The following TNFSF11 variants were observed in gnomAD, a reference collection of about 807,000 sequenced individuals.
TNFSF11 encodes tumor necrosis factor ligand superfamily member 11.
Under a neutral mutation model 32.2 loss-of-function variants are expected in TNFSF11, and 12 were observed. The observed-to-expected ratio is 0.37, with a 90% CI of 0.24 to 0.60. TNFSF11 has a LOEUF of 0.60. Among genes scored for constraint, TNFSF11 ranks in the 20% least tolerant of loss-of-function variants. TNFSF11 has a pLI of 0.66. For synonymous variants in TNFSF11, 172 were observed against 152.1 expected, an observed-to-expected ratio of 1.13 and a Z score of -0.96; for missense variants, 345 against 398.0, an observed-to-expected ratio of 0.87 and a Z score of 1.13.
intron 4 of TNFSF11, among the ~76,000 whole-genome samples, chr13:42,601,816 C>T (rs1028990684): frequency 5.3e-5 from 8 of 152,202 alleles, no homozygotes. Context: ...TTTTCCCCTT[C>T]CTCAATACCT....
chr13:42,566,117 TG>T (rs1244337369), intron 1 of TNFSF11, among the ~76,000 whole-genome samples: 1 of 152,206 alleles, frequency 6.6e-6, no homozygotes, highest in African/African-American at 2.4e-5. Context: ...TTAGTAGATT[TG>T]GGGAAGTCTG....
chr13:42,592,131 G>T (rs938554270), intron 2 of TNFSF11, among the ~76,000 whole-genome samples: 3 of 152,200 alleles, frequency 2.0e-5, no homozygotes, highest in African/African-American at 7.2e-5. Flanking sequence ...ACACAAAGCA[G>T]TTCTCCAACT....
Position 42,606,941 on chromosome 13 carries a change from G to A in TNFSF11, c.*23G>A. On this transcript the variant is annotated 3_prime_UTR_variant, in exon 5 of 5. Coordinates refer to ENST00000398795, the MANE Select transcript of TNFSF11 (RefSeq NM_003701.4). ...TGAGCCCCAGTTTTTGGAGTGTTATGTATTTCCTGGATGTTTGGAAACATT... is the reference window on the plus strand; with the variant it reads ...TGAGCCCCAGTTTTTGGAGTGTTATATATTTCCTGGATGTTTGGAAACATT... 6.2e-7 allele frequency: 1 copy of A among 1,613,820 alleles called. No homozygotes were observed. Among genetic ancestry groups the A allele is most frequent in the Non-Finnish European group, 8.5e-7 (1 of 1,179,906 alleles).
chr13:42,585,386 C>T (rs1028883340), intron 2 of TNFSF11, among the ~76,000 whole-genome samples: 1 of 152,070 alleles, frequency 6.6e-6, no homozygotes, highest in Non-Finnish European at 1.5e-5. Context: ...TATATGTGTG[C>T]GAAAAGTGGT....
chr13:42,589,271 C>A (rs560246899), intron 2 of TNFSF11, among the ~76,000 whole-genome samples: 2 of 152,108 alleles, frequency 1.3e-5, no homozygotes. Context: ...CACCTCTCCC[C>A]CATCCTGTGA....
At chr13:42,581,036 A>G (rs1336270958) in intron 1 of TNFSF11, 90 bp from the exon 2 acceptor site, 18 of 1,391,460 alleles carry the variant, frequency 1.3e-5, no homozygotes, top group African/African-American at 1.0e-4. Flanking sequence ...TCTTGCGAGT[A>G]TGAATTTTTT....
chr13:42,588,118 G>A (rs1294405673), intron 2 of TNFSF11, among the ~76,000 whole-genome samples: 1 of 152,182 alleles, frequency 6.6e-6, no homozygotes, highest in East Asian at 1.9e-4. Context: ...ATCTCTGTTT[G>A]CCATAATAGT....
Position 42,574,212 on chromosome 13 carries a change from A to G in TNFSF11, c.-92A>G. On this transcript the variant is annotated 5_prime_UTR_variant, in exon 1 of 5. Transcript: ENST00000398795. ...GGCTCCAAGTCGGCGCCCCACGTCG[A>G]GGCTCCGCCGCAGCCTCCGGAGTTG... The G allele has an allele frequency of 6.7e-7, 1 of 1,502,772 alleles. No homozygotes were observed. Among genetic ancestry groups the G allele is most frequent in the Non-Finnish European group, 9.0e-7 (1 of 1,110,756 alleles). 93.1% of individuals were successfully genotyped at this position (1,502,772 alleles called of 1,614,324 possible).
At chr13:42,579,905 T>A (rs1873518890) in intron 1 of TNFSF11, among the ~76,000 whole-genome samples, 2 of 152,068 alleles carry the variant, frequency 1.3e-5, no homozygotes, top group Admixed American at 1.3e-4. Context: ...ATAATAAAAT[T>A]TGTATTAGTG....
chr13:42,582,029 A>C (rs1409548888), intron 2 of TNFSF11, among the ~76,000 whole-genome samples: 1 of 152,154 alleles, frequency 6.6e-6, no homozygotes, highest in Non-Finnish European at 1.5e-5. Flanking sequence ...TAGAACACAA[A>C]CAGTGACCCC....
At chr13:42,571,370 T>C (rs1873061863), upstream of TNFSF11, among the ~76,000 whole-genome samples, 1 of 116,652 alleles carries the variant, frequency 8.6e-6, no homozygotes, top group African/African-American at 3.3e-5. Flanking sequence ...TTTATTTTTA[T>C]CTTTTTTTTA....
At chr13:42,586,103 T>C (rs770711782) in intron 2 of TNFSF11, among the ~76,000 whole-genome samples, 7 of 152,254 alleles carry the variant, frequency 4.6e-5, no homozygotes, top group Non-Finnish European at 8.8e-5. Context: ...CGAGAGTGAT[T>C]TTATTTAATA....
At chr13:42,601,975 C>T (rs9533165) in intron 4 of TNFSF11, among the ~76,000 whole-genome samples, 37,653 of 152,136 alleles carry the variant, frequency 0.25, 4,916 homozygotes, top group Non-Finnish European at 0.29. Flanking sequence ...TTGCTAAGTC[C>T]GTGCTTTCCA....
intron 4 of TNFSF11, among the ~76,000 whole-genome samples, chr13:42,602,376 C>G (rs1490776016): frequency 6.6e-6 from 1 of 152,010 alleles, no homozygotes; most frequent in East Asian, 1.9e-4. Flanking sequence ...CATATTCCAC[C>G]TTTTTCCTAC....
At chr13:42,588,357 G>A (rs1029885750) in intron 2 of TNFSF11, among the ~76,000 whole-genome samples, 2 of 149,740 alleles carry the variant, frequency 1.3e-5, no homozygotes, top group African/African-American at 2.4e-5. Flanking sequence ...TATGTCAGAG[G>A]TGGGCTTTTC....
At chr13:42,582,068 C>A (rs929845392) in intron 2 of TNFSF11, among the ~76,000 whole-genome samples, 3 of 152,182 alleles carry the variant, frequency 2.0e-5, no homozygotes, top group Non-Finnish European at 4.4e-5. Context: ...ACGTTATATA[C>A]CTGCATGCAT....
chr13:42,576,360 C>G (rs114040340), intron 1 of TNFSF11, among the ~76,000 whole-genome samples: 1 of 151,846 alleles, frequency 6.6e-6, no homozygotes, highest in Non-Finnish European at 1.5e-5. Flanking sequence ...TCTCGGTGGT[C>G]CCCGTGGGTG....
chr13:42,573,909 C>T (rs545251157), upstream of TNFSF11, among the ~76,000 whole-genome samples: 8 of 152,254 alleles, frequency 5.3e-5, no homozygotes, highest in South Asian at 1.7e-3. Flanking sequence ...TCTTGGACCT[C>T]CAGAAAGACA....
intron 2 of TNFSF11, among the ~76,000 whole-genome samples, chr13:42,594,448 A>G (rs1365529527): frequency 6.6e-6 from 1 of 152,192 alleles, no homozygotes; most frequent in Non-Finnish European, 1.5e-5. Context: ...AAACAACTTA[A>G]TAACATTCTC....
Sources: allele counts gnomAD v4.1 joint callset (sites outside exome capture counted in the v4.1 genomes callset), GRCh38; gene constraint gnomAD v4.1.1; transcripts MANE v1.5; gene names NCBI Gene and HGNC (gene_info 2026-07-23, HGNC 2026-07-21).